REG3G: variants seen among roughly 807,000 people sequenced by gnomAD.
REG3G encodes regenerating islet-derived protein 3-gamma.
In REG3G, 19 loss-of-function variants were observed where a neutral mutation model predicts 20.9. That is an observed-to-expected ratio of 0.91 (90% CI 0.64 to 1.34). REG3G has a LOEUF of 1.34. Ranked by LOEUF, REG3G falls within the 40% of genes most tolerant of loss-of-function variation. The pLI is 0.00. For synonymous variants in REG3G, 89 were observed against 77.4 expected, an observed-to-expected ratio of 1.15 and a Z score of -0.79; for missense variants, 235 against 205.0, an observed-to-expected ratio of 1.15 and a Z score of -0.89.
chr2:79,025,993 C>G lies in REG3G; in HGVS notation c.-101C>G. 1 of 1,113,030 alleles carries G rather than the reference C, an allele frequency of 9.0e-7. No homozygotes were observed. Among genetic ancestry groups the G allele is most frequent in the Non-Finnish European group, 1.3e-6 (1 of 740,960 alleles). 68.9% of individuals were successfully genotyped at this position (1,113,030 alleles called of 1,614,324 possible). On this transcript the variant is annotated 5_prime_UTR_variant, in exon 2 of 6. Transcript: ENST00000272324. Reference sequence around the variant, plus strand: ...CCAAGATCACTTCAGTCCTAGGGGACTACAGAAGGAAAAAGACAAGAGGCA... The same window carrying G: ...CCAAGATCACTTCAGTCCTAGGGGAGTACAGAAGGAAAAAGACAAGAGGCA...
At chr2:79,025,907 A>G (rs1326918191) in intron 1 of REG3G, 76 bp from the exon 2 acceptor site, 7 of 602,292 alleles carry the variant, frequency 1.2e-5, no homozygotes, top group Non-Finnish European at 2.1e-5. Flanking sequence ...GGGAGGTCTC[A>G]GGGATGGGTG....
intron 5 of REG3G, 133 bp downstream of exon 5, chr2:79,028,066 C>A: frequency 7.7e-7 from 1 of 1,300,472 alleles, no homozygotes; most frequent in Non-Finnish European, 1.1e-6. Flanking sequence ...TCATCTCTGC[C>A]TTCTTTGAGT....
rs537213452 is a variant in REG3G, at chr2:79,027,978, C to T, written c.460+45C>T. The stretch of plus-strand genomic sequence containing the variant: ...CCTCTTCCCAGCACTTTCCACTCCT[C>T]ATCCCCAATTTCCTGACCTTCAGGA... On this transcript the variant is annotated intron_variant, in intron 5 of 5. Coordinates refer to ENST00000272324, the MANE Select transcript of REG3G (RefSeq NM_001008387.3). The T allele has an allele frequency of 6.0e-5, 97 of 1,611,046 alleles. No individual in the cohort carries two copies. In the South Asian group the frequency reaches 9.9e-4, roughly 16 times the overall value.
chr2:79,026,734 T>A lies in REG3G; in HGVS notation c.98T>A (p.Leu33Gln). Reference sequence around the variant, plus strand: ...CCAGGTGAAGAAACCCAGAAGGAACTGCCCTCTCCACGGATCAGCTGTCCC... The same window carrying A: ...CCAGGTGAAGAAACCCAGAAGGAACAGCCCTCTCCACGGATCAGCTGTCCC... Reference protein sequence around the residue: ...QVQGEETQKELPSPRISCPKG... With the variant: ...QVQGEETQKEQPSPRISCPKG... Residue 33 changes from leucine to glutamine, a missense_variant, in exon 3 of 6, where the codon CTG becomes CAG. Transcript: ENST00000272324. 1 of 1,613,630 alleles carries A rather than the reference T, an allele frequency of 6.2e-7. No homozygotes were observed.
chr2:79,026,693 T>A lies in REG3G; in HGVS notation c.77-20T>A. ...ACCCCCTACTCTTCATTTTACTCTCTCCCTTTTCTTCCACCCCAGGTGAAG... is the reference window on the plus strand; with the variant it reads ...ACCCCCTACTCTTCATTTTACTCTCACCCTTTTCTTCCACCCCAGGTGAAG... On this transcript the variant is annotated intron_variant, in intron 2 of 5. Coordinates refer to ENST00000272324, the MANE Select transcript of REG3G (RefSeq NM_001008387.3). The A allele has an allele frequency of 6.3e-7, 1 of 1,591,204 alleles. No individual in the cohort carries two copies. Among genetic ancestry groups the A allele is most frequent in the Non-Finnish European group, 8.6e-7 (1 of 1,160,064 alleles).
intron 2 of REG3G, 49 bp from the exon 3 acceptor site, chr2:79,026,664 A>C (rs2103964301): frequency 2.2e-5 from 31 of 1,393,874 alleles, no homozygotes; most frequent in Non-Finnish European, 2.7e-5. Context: ...GTCATCTCCC[A>C]CCCACCCCCT....
In REG3G at chr2:79,027,190, C is replaced by A. The variant is rs1422437661; in HGVS notation, c.333+19C>A. ...CACACAGGTGCGAGTATATCCTCCCCTCTCTGTTACCTCTCAAGGTACTGT... is the reference window on the plus strand; with the variant it reads ...CACACAGGTGCGAGTATATCCTCCCATCTCTGTTACCTCTCAAGGTACTGT... On this transcript the variant is annotated intron_variant, in intron 4 of 5. Coordinates refer to ENST00000272324, the MANE Select transcript of REG3G (RefSeq NM_001008387.3). 2 of 1,612,560 alleles carry A rather than the reference C, an allele frequency of 1.2e-6. No individual in the cohort carries two copies. Among genetic ancestry groups the A allele is most frequent in the East Asian group, 2.2e-5 (1 of 44,858 alleles).
rs1671681917 is a variant in REG3G, at chr2:79,028,452, C to T, written c.*176C>T. The T allele has an allele frequency of 5.4e-6, 3 of 552,920 alleles. No homozygotes were observed. The Admixed American group carries it at 9.3e-5, about 17-fold the overall frequency. The allele number at this position is 552,920 out of a possible 1,614,324, so 34.3% of individuals were successfully genotyped here. Reference sequence around the variant, plus strand: ...ACCTTCATTTCAGGCTTTTCTCTGTCTTCCATGTCTTGAGATCTCAGAGAA... The same window carrying T: ...ACCTTCATTTCAGGCTTTTCTCTGTTTTCCATGTCTTGAGATCTCAGAGAA... On this transcript the variant is annotated 3_prime_UTR_variant, in exon 6 of 6. Transcript: ENST00000272324.
chr2:79,027,390 AC>A (rs1671652591), intron 4 of REG3G: 1 of 541,612 alleles, frequency 1.8e-6, no homozygotes, highest in Admixed American at 3.4e-5. Flanking sequence ...CTCTTGTAAA[AC>A]TTTTACATAA....
intron 2 of REG3G, 192 bp downstream of exon 2, chr2:79,026,361 A>G: frequency 1.6e-6 from 1 of 624,564 alleles, no homozygotes; most frequent in Non-Finnish European, 2.8e-6. Context: ...TAACAATGGA[A>G]TGAGATGGCT....
chr2:79,028,313 A>C lies in REG3G; in HGVS notation c.*37A>C. ...AGTCAGCAGCCTGAGCTTGGCGTGC[A>C]GCTCATCATGGACATGAGACCAGTG... On this transcript the variant is annotated 3_prime_UTR_variant, in exon 6 of 6. Coordinates refer to ENST00000272324, the MANE Select transcript of REG3G (RefSeq NM_001008387.3). 1 of 1,402,846 alleles carries C rather than the reference A, an allele frequency of 7.1e-7. No individual in the cohort carries two copies. Among genetic ancestry groups the C allele is most frequent in the Non-Finnish European group, 1.0e-6 (1 of 987,010 alleles). The allele number at this position is 1,402,846 out of a possible 1,614,324, so 86.9% of individuals were successfully genotyped here.
rs766249196 is a variant in REG3G at position 79,028,290 on chromosome 2, T to A, written c.*14T>A. ...TTCAAGGACTAGGGCAGGTGGGAAG[T>A]CAGCAGCCTGAGCTTGGCGTGCAGC... On this transcript the variant is annotated 3_prime_UTR_variant, in exon 6 of 6. Coordinates refer to ENST00000272324, the MANE Select transcript of REG3G (RefSeq NM_001008387.3). The A allele has an allele frequency of 1.9e-6, 3 of 1,579,306 alleles. No homozygotes were observed. The highest frequency in any genetic ancestry group is 2.7e-5 in the African/African-American group (2 of 74,190).
In REG3G at chr2:79,027,937, A is replaced by G; in HGVS notation, c.460+4A>G. On this transcript the variant is annotated splice_donor_region_variant and intron_variant, in intron 5 of 5. Coordinates refer to ENST00000272324, the MANE Select transcript of REG3G (RefSeq NM_001008387.3). ...GGGAGCCTGTCAAGAAGCACAGGTA[A>G]GAAACAGAAGAGCTGCCTCTTCCCA... 6.2e-7 allele frequency: 1 copy of G among 1,613,896 alleles called. No individual in the cohort carries two copies. The highest frequency in any genetic ancestry group is 8.5e-7 in the Non-Finnish European group (1 of 1,179,900).
chr2:79,025,799 G>T (rs1573151797), intron 1 of REG3G, 26 bp downstream of exon 1: 3 of 341,606 alleles, frequency 8.8e-6, no homozygotes, highest in East Asian at 5.5e-5. Context: ...GAGAAGATGA[G>T]ACCTGTGGAA....
chr2:79,027,241 C>G, intron 4 of REG3G, 70 bp downstream of exon 4: 1 of 1,514,632 alleles, frequency 6.6e-7, no homozygotes, highest in African/African-American at 1.4e-5. Context: ...CTCCCTGTCC[C>G]CAGTCCCTGC....
chr2:79,026,010 C>G lies in REG3G; in HGVS notation c.-84C>G. 1 of 1,328,928 alleles carries G rather than the reference C, an allele frequency of 7.5e-7. No homozygotes were observed. 82.3% of individuals were successfully genotyped at this position (1,328,928 alleles called of 1,614,324 possible). A position where few individuals can be genotyped will look rare whatever the true frequency, so the allele number is the denominator to read the frequency against. ...CTAGGGGACTACAGAAGGAAAAAGACAAGAGGCAGTAGGATATCTGTGTGT... is the reference window on the plus strand; with the variant it reads ...CTAGGGGACTACAGAAGGAAAAAGAGAAGAGGCAGTAGGATATCTGTGTGT... On this transcript the variant is annotated 5_prime_UTR_variant, in exon 2 of 6. Coordinates refer to ENST00000272324, the MANE Select transcript of REG3G (RefSeq NM_001008387.3).
intron 5 of REG3G, 103 bp downstream of exon 5, chr2:79,028,036 G>A (rs1402592876): frequency 2.0e-6 from 3 of 1,467,704 alleles, no homozygotes; most frequent in East Asian, 2.3e-5. Flanking sequence ...CAGTGTTTAT[G>A]TGCCTTCTCC....
At position 79,027,019 on chromosome 2, in the gene REG3G, T is replaced by G. The variant is rs1671640555; in HGVS notation, c.196-15T>G. On this transcript the variant is annotated splice_polypyrimidine_tract_variant and intron_variant, in intron 3 of 5. Coordinates refer to ENST00000272324, the MANE Select transcript of REG3G (RefSeq NM_001008387.3). ...GGTCTCAGGCTCCATCTCATTCTCT[T>G]TGTCCCCCTCAAAGCTGGCTTGCCA... 1.2e-6 allele frequency: 2 copies of G among 1,613,922 alleles called. No homozygotes were observed. The highest frequency in any genetic ancestry group is 1.7e-6 in the Non-Finnish European group (2 of 1,179,930).
intron 3 of REG3G, 37 bp from the exon 4 acceptor site, chr2:79,026,997 C>A: frequency 6.2e-7 from 1 of 1,613,468 alleles, no homozygotes; most frequent in Non-Finnish European, 8.5e-7. Flanking sequence ...CTCAGTGGGT[C>A]TCAGGCTCCA....
Sources: allele counts gnomAD v4.1 joint callset, GRCh38; gene constraint gnomAD v4.1.1; transcripts MANE v1.5; gene names NCBI Gene and HGNC (gene_info 2026-07-23, HGNC 2026-07-21).